Variants in MTA3 observed in about 807,000 individuals in gnomAD.
The protein encoded by MTA3 is metastasis-associated protein MTA3.
A neutral mutation model predicts 83.5 loss-of-function variants in MTA3; 34 were observed. The ratio of observed to expected loss-of-function variants is 0.41; its 90% confidence interval spans 0.31 to 0.54. MTA3 has a LOEUF of 0.54. Ranked by LOEUF, MTA3 falls within the 20% of genes least tolerant of loss-of-function variation. The pLI, the probability that MTA3 is intolerant of heterozygous loss-of-function variation, is 0.33. For synonymous variants in MTA3, 303 were observed against 252.7 expected, an observed-to-expected ratio of 1.20 and a Z score of -1.89; for missense variants, 761 against 726.4, an observed-to-expected ratio of 1.05 and a Z score of -0.55.
intron 2 of MTA3, among the ~76,000 whole-genome samples, chr2:42,525,344 C>T (rs1305943511): frequency 1.3e-5 from 2 of 152,062 alleles, no homozygotes; most frequent in African/African-American, 4.8e-5. Flanking sequence ...GGATTACAGG[C>T]ACTTACCACC....
chr2:42,753,551 A>G lies in MTA3; in HGVS notation c.*152A>G, dbSNP rs1670038097. 4 of 1,465,922 alleles carry G rather than the reference A, an allele frequency of 2.7e-6. No homozygotes were observed. The highest frequency in any genetic ancestry group is 3.6e-6 in the Non-Finnish European group (4 of 1,106,556). The allele number at this position is 1,465,922 out of a possible 1,614,324, so 90.8% of individuals were successfully genotyped here. A position where few individuals can be genotyped will look rare whatever the true frequency, so the allele number is the denominator to read the frequency against. On this transcript the variant is annotated 3_prime_UTR_variant, in exon 17 of 17. Transcript: ENST00000405094. ...TGGAGACGCAATGGGGCGGGGAAGG[A>G]ACTGTGGGAGTGCACGTTCCAAATC...
chr2:42,507,388 G>T (rs1156820507), intron 2 of MTA3, among the ~76,000 whole-genome samples: 1 of 151,586 alleles, frequency 6.6e-6, no homozygotes, highest in African/African-American at 2.4e-5. Flanking sequence ...GCCTAAGCTG[G>T]TCTCAAACTC....
At chr2:42,689,107 C>T (rs1692654152) in intron 9 of MTA3, among the ~76,000 whole-genome samples, 1 of 152,036 alleles carries the variant, frequency 6.6e-6, no homozygotes, top group South Asian at 2.1e-4. Context: ...ATGTTTATCT[C>T]TTTGTCTTTT....
At chr2:42,606,557 G>A (rs1683445086) in intron 3 of MTA3, among the ~76,000 whole-genome samples, 4 of 147,008 alleles carry the variant, frequency 2.7e-5, no homozygotes, top group Admixed American at 2.7e-4. Context: ...CTTCCTAGAT[G>A]GGATGGCGGC....
chr2:42,501,768 A>G (rs185721141), intron 2 of MTA3, among the ~76,000 whole-genome samples: 3 of 152,252 alleles, frequency 2.0e-5, no homozygotes, highest in Admixed American at 6.5e-5. Context: ...ACTTGCGGTC[A>G]GGAGTTTGAG....
At chr2:42,721,708 T>A (rs1186083555) in intron 15 of MTA3, among the ~76,000 whole-genome samples, 1 of 152,110 alleles carries the variant, frequency 6.6e-6, no homozygotes, top group Non-Finnish European at 1.5e-5. Flanking sequence ...TAAAAGATAT[T>A]TAGGATTCGA....
At chr2:42,494,325 A>C (rs1167726189), upstream of MTA3, among the ~76,000 whole-genome samples, 1 of 151,962 alleles carries the variant, frequency 6.6e-6, no homozygotes, top group Non-Finnish European at 1.5e-5. Flanking sequence ...GGCAGTCCCC[A>C]GGGCCCCTTT....
intron 4 of MTA3, among the ~76,000 whole-genome samples, chr2:42,614,818 T>TA (rs879888941): frequency 2.0e-5 from 3 of 151,510 alleles, no homozygotes; most frequent in Non-Finnish European, 2.9e-5. Flanking sequence ...CTATAAATAA[T>TA]AAAAAAATTA....
intron 2 of MTA3, among the ~76,000 whole-genome samples, chr2:42,570,800 C>T (rs1184584490): frequency 2.0e-5 from 3 of 151,624 alleles, no homozygotes; most frequent in Admixed American, 6.6e-5. Flanking sequence ...CACCTGAGGT[C>T]GGGAGTTCGA....
chr2:42,641,208 G>GTTTTTT (rs1165358003), intron 5 of MTA3, among the ~76,000 whole-genome samples: 1 of 131,752 alleles, frequency 7.6e-6, no homozygotes, highest in African/African-American at 2.8e-5. Context: ...TGCCTGGCCG[G>GTTTTTT]TTTTTTTTTT....
At chr2:42,633,359 G>A (rs989057865) in intron 4 of MTA3, among the ~76,000 whole-genome samples, 9 of 151,830 alleles carry the variant, frequency 5.9e-5, no homozygotes, top group Non-Finnish European at 1.2e-4. Flanking sequence ...AAGGAGGATC[G>A]CTTGATCCTA....
At chr2:42,718,903 C>A in intron 14 of MTA3, 85 bp from the exon 15 acceptor site, 1 of 1,043,886 alleles carries the variant, frequency 9.6e-7, no homozygotes, top group African/African-American at 1.6e-5. Flanking sequence ...CTGTTTTCCA[C>A]TTGTACCTTT....
chr2:42,745,776 T>C (rs564601902), intron 16 of MTA3, among the ~76,000 whole-genome samples: 1 of 151,630 alleles, frequency 6.6e-6, no homozygotes, highest in Non-Finnish European at 1.5e-5. Flanking sequence ...AATTCTGTTA[T>C]TGGGTATATT....
intron 4 of MTA3, among the ~76,000 whole-genome samples, chr2:42,612,060 G>C (rs774176712): frequency 1.3e-5 from 2 of 152,104 alleles, no homozygotes; most frequent in Non-Finnish European, 2.9e-5. Context: ...AGACAGTTAG[G>C]CCGGGTAATA....
chr2:42,705,716 C>A lies in MTA3; in HGVS notation c.1150+1398C>A, dbSNP rs141463574. 5.4e-3 allele frequency among the ~76,000 whole-genome samples: 813 copies of A among 151,804 alleles called. 1 individual carries two copies. The highest frequency in any genetic ancestry group is 8.7e-3 in the Non-Finnish European group (594 of 67,912). On this transcript the variant is annotated intron_variant, in intron 12 of 16. Coordinates refer to ENST00000405094, the MANE Select transcript of MTA3 (RefSeq NM_001330442.2). ...GTGAAACATCGTCTCCCCCCCGCCC[C>A]CAAAAAAAAAATTAACTTGCAAACC...
chr2:42,713,938 C>T (rs770035662), intron 14 of MTA3, among the ~76,000 whole-genome samples: 1 of 152,114 alleles, frequency 6.6e-6, no homozygotes, highest in Non-Finnish European at 1.5e-5. Context: ...AGATAGATCC[C>T]TAAAAGTTAA....
intron 16 of MTA3, among the ~76,000 whole-genome samples, chr2:42,737,435 C>T (rs1668691859): frequency 6.6e-6 from 1 of 152,184 alleles, no homozygotes; most frequent in South Asian, 2.1e-4. Context: ...CAAAGTTTCA[C>T]AATCACTGTG....
intron 3 of MTA3, among the ~76,000 whole-genome samples, chr2:42,598,728 T>C (rs1682159323): frequency 6.6e-6 from 1 of 152,216 alleles, no homozygotes; most frequent in Admixed American, 6.6e-5. Context: ...AGGGACTCAT[T>C]AATACTTTCT....
intron 4 of MTA3, among the ~76,000 whole-genome samples, chr2:42,629,138 A>G (rs1258614470): frequency 6.6e-6 from 1 of 152,096 alleles, no homozygotes; most frequent in African/African-American, 2.4e-5. Context: ...GGAGTGCAGT[A>G]ATGTGATCTC....
Sources: allele counts gnomAD v4.1 joint callset (sites outside exome capture counted in the v4.1 genomes callset), GRCh38; gene constraint gnomAD v4.1.1; transcripts MANE v1.5; gene names NCBI Gene and HGNC (gene_info 2026-07-23, HGNC 2026-07-21).